The following MERTK variants were observed in gnomAD, a reference collection of about 807,000 sequenced individuals.
MERTK encodes MER proto-oncogene, tyrosine kinase.
MERTK carries 69 observed loss-of-function variants against 99.3 expected under a neutral mutation model. The observed-to-expected ratio is 0.70, with a 90% confidence interval of 0.57 to 0.85. The LOEUF (loss-of-function observed/expected upper bound fraction) is 0.85, where lower values mean the gene tolerates loss of function less well. MERTK is among the 40% of genes least tolerant of loss of function. MERTK has a pLI of 0.00. For missense variants in MERTK, 1,125 were observed against 1,249.4 expected (o/e 0.90, Z 1.50); for synonymous variants, 426 against 467.6 (o/e 0.91, Z 1.15).
chr2:111,987,363 A>G (rs900357405), intron 8 of MERTK, among the ~76,000 whole-genome samples: 2 of 152,130 alleles, frequency 1.3e-5, no homozygotes, highest in African/African-American at 2.4e-5. Flanking sequence ...GATGATACCT[A>G]CCTTTTTTGT....
At chr2:111,941,632 G>T (rs1406490258) in intron 2 of MERTK, among the ~76,000 whole-genome samples, 1 of 152,078 alleles carries the variant, frequency 6.6e-6, no homozygotes, top group Non-Finnish European at 1.5e-5. Context: ...AGCCCCTCCA[G>T]TCTCCAGCCC....
At chr2:111,972,620 T>A (rs1194751813) in intron 6 of MERTK, among the ~76,000 whole-genome samples, 1 of 152,206 alleles carries the variant, frequency 6.6e-6, no homozygotes, top group African/African-American at 2.4e-5. Flanking sequence ...CTGGATATGA[T>A]GATTCTGTTC....
intron 2 of MERTK, among the ~76,000 whole-genome samples, chr2:111,933,759 T>C (rs1684715830): frequency 6.6e-6 from 1 of 152,138 alleles, no homozygotes. Context: ...CTGGGATACA[T>C]GTGCAGAATG....
At position 111,898,778 on chromosome 2, in the gene MERTK, C is replaced by T; in HGVS notation, c.43C>T (p.Pro15Ser). ...GCCGCTGCTGCTGGGCCTCTTCCTCCCCGCGCTCTGGCGTAGAGGTGAGTG... is the reference window on the plus strand; with the variant it reads ...GCCGCTGCTGCTGGGCCTCTTCCTCTCCGCGCTCTGGCGTAGAGGTGAGTG... ...PLPLLLGLFL[P>S]ALWRRAITEA... Residue 15 changes from proline to serine, a missense_variant, in exon 1 of 19, where the codon CCC becomes TCC. By Grantham distance (74) the Pro-to-Ser change is moderately conservative (BLOSUM62 -1). Coordinates refer to ENST00000295408, the MANE Select transcript of MERTK (RefSeq NM_006343.3). The T allele has an allele frequency of 6.3e-7, 1 of 1,599,790 alleles. No individual in the cohort carries two copies. Among genetic ancestry groups the T allele is most frequent in the South Asian group, 1.1e-5 (1 of 88,614 alleles).
At chr2:112,007,205 AGTGCG>A (rs1222898170) in intron 13 of MERTK, among the ~76,000 whole-genome samples, 1 of 152,138 alleles carries the variant, frequency 6.6e-6, no homozygotes, top group East Asian at 1.9e-4. Context: ...CCCAGGCTGG[AGTGCG>A]GTAGCACGAT....
intron 8 of MERTK, among the ~76,000 whole-genome samples, chr2:111,988,826 G>T (rs1300278780): frequency 6.6e-6 from 1 of 152,134 alleles, no homozygotes; most frequent in East Asian, 1.9e-4. Flanking sequence ...GCGGGCACCT[G>T]TAGTCCCAGC....
intron 4 of MERTK, among the ~76,000 whole-genome samples, chr2:111,954,883 A>G (rs1685120043): frequency 6.6e-6 from 1 of 152,220 alleles, no homozygotes; most frequent in Admixed American, 6.5e-5. Context: ...GTTTTGTAAC[A>G]TTATAAAAGA....
At chr2:111,910,521 C>G (rs533700064) in intron 1 of MERTK, among the ~76,000 whole-genome samples, 2 of 151,860 alleles carry the variant, frequency 1.3e-5, no homozygotes, top group Non-Finnish European at 2.9e-5. Context: ...CCACCCGCCT[C>G]AGTCTCCCAA....
rs1010322833 is a variant in MERTK at position 111,970,156 on chromosome 2, CT to C, written c.960+1917del. Among the ~76,000 whole-genome samples, 250 of 141,284 alleles carry C rather than the reference CT, an allele frequency of 1.8e-3. 1 individual carries two copies. Among genetic ancestry groups the C allele is most frequent in the Middle Eastern group, 3.6e-3 (1 of 274 alleles). The allele number at this position is 141,284 out of a possible 152,430, so 92.7% of individuals were successfully genotyped here. On this transcript the variant is annotated intron_variant, in intron 6 of 18. Coordinates refer to ENST00000295408, the MANE Select transcript of MERTK (RefSeq NM_006343.3). ...ACACCTTTTTTTGAGATATAGTTTA[CT>C]TTTTTTTTTTTTAATTTGAGACGTA...
At chr2:111,938,218 A>C (rs1242330135) in intron 2 of MERTK, among the ~76,000 whole-genome samples, 1 of 151,978 alleles carries the variant, frequency 6.6e-6, no homozygotes, top group Non-Finnish European at 1.5e-5. Context: ...CTGGGACCAC[A>C]GGCATGAGCC....
rs768815659 is a variant in MERTK, at chr2:111,949,431, C to T, written c.757+1864C>T. 3.9e-5 allele frequency among the ~76,000 whole-genome samples: 6 copies of T among 152,220 alleles called. No individual in the cohort carries two copies. The South Asian group carries it at 6.2e-4, about 16-fold the overall frequency. ...TTAACTCTGAATCACTTTTCTAACC[C>T]GTGACTTCAGGAGGAATGTTATGGT... On this transcript the variant is annotated intron_variant, in intron 4 of 18. Transcript: ENST00000295408.
chr2:111,985,837 G>T (rs1356886658), intron 8 of MERTK, among the ~76,000 whole-genome samples: 1 of 152,066 alleles, frequency 6.6e-6, no homozygotes, highest in African/African-American at 2.4e-5. Context: ...TTTGGGTGGG[G>T]ACACAGCCAA....
intron 9 of MERTK, chr2:111,995,090 A>G (rs1394841628): frequency 6.2e-6 from 1 of 161,418 alleles, no homozygotes; most frequent in Non-Finnish European, 1.4e-5. Flanking sequence ...CTGTGTTTGA[A>G]ATAGTACTGC....
intron 1 of MERTK, among the ~76,000 whole-genome samples, chr2:111,900,387 C>A (rs991070364): frequency 1.3e-5 from 2 of 152,210 alleles, no homozygotes; most frequent in Non-Finnish European, 2.9e-5. Flanking sequence ...ACCAAACCTT[C>A]AAAAATTCCT....
intron 8 of MERTK, among the ~76,000 whole-genome samples, chr2:111,987,478 G>A (rs75922635): frequency 0.014 from 2,123 of 152,266 alleles, 18 homozygotes; most frequent in Middle Eastern, 0.041. Context: ...GGTCTTGCTC[G>A]TCTTTGTACT....
chr2:112,017,940 C>T lies in MERTK; in HGVS notation c.2080-1473C>T, dbSNP rs146269773. Among the ~76,000 whole-genome samples the T allele has an allele frequency of 7.1e-4, 108 of 152,220 alleles. 1 individual carries two copies. Among genetic ancestry groups the T allele is most frequent in the African/African-American group, 2.3e-3 (95 of 41,532 alleles). ...CTCAAAATGACTTTCAACGGAGATACAGGATCTCATGCAATAAAGCCCAGA... is the reference window on the plus strand; with the variant it reads ...CTCAAAATGACTTTCAACGGAGATATAGGATCTCATGCAATAAAGCCCAGA... On this transcript the variant is annotated intron_variant, in intron 15 of 18. Transcript: ENST00000295408.
chr2:111,923,324 A>T (rs1156403400), intron 1 of MERTK, among the ~76,000 whole-genome samples: 1 of 152,216 alleles, frequency 6.6e-6, no homozygotes, highest in Non-Finnish European at 1.5e-5. Flanking sequence ...AAGAAAGATG[A>T]TGGAGACAAA....
intron 2 of MERTK, among the ~76,000 whole-genome samples, chr2:111,933,593 G>T (rs976823552): frequency 3.9e-5 from 6 of 152,088 alleles, no homozygotes; most frequent in Non-Finnish European, 5.9e-5. Flanking sequence ...ATTCCCGTAA[G>T]AATAGGCAGA....
chr2:112,007,743 G>A (rs897170322), intron 13 of MERTK, among the ~76,000 whole-genome samples: 1 of 152,144 alleles, frequency 6.6e-6, no homozygotes, highest in African/African-American at 2.4e-5. Flanking sequence ...AACCAGACTT[G>A]CAGGACATAC....
Sources: allele counts gnomAD v4.1 joint callset (sites outside exome capture counted in the v4.1 genomes callset), GRCh38; gene constraint gnomAD v4.1.1; transcripts MANE v1.5; gene names NCBI Gene and HGNC (gene_info 2026-07-23, HGNC 2026-07-21).